The following FAM3B variants were observed in gnomAD, a reference collection of about 807,000 sequenced individuals.
The protein encoded by FAM3B is protein FAM3B.
Under a neutral mutation model 28.4 loss-of-function variants are expected in FAM3B, and 29 were observed. The observed-to-expected ratio is 1.02, with a 90% CI of 0.76 to 1.39. The LOEUF (loss-of-function observed/expected upper bound fraction) is 1.39, where lower values mean the gene tolerates loss of function less well. Among genes scored for constraint, FAM3B ranks in the 40% most tolerant of loss-of-function variants. The probability of loss-of-function intolerance (pLI) is 0.00; values close to 1 mark genes in which losing one functional copy is unlikely to be tolerated. For missense variants in FAM3B, 266 were observed against 293.9 expected (o/e 0.91, Z 0.69); for synonymous variants, 91 against 103.0 (o/e 0.88, Z 0.71).
chr21:41,311,694 G>T lies in FAM3B; in HGVS notation n.99+7384G>T, dbSNP rs544468106. ...TCAGGGCTCCTTTTGCATTCAGTCT[G>T]TTGAAATATGTTGTTTTCGTTGTAG... On this transcript the variant is annotated intron_variant and non_coding_transcript_variant, in intron 1 of 9. Coordinates refer to the FAM3B transcript ENST00000479810. Among the ~76,000 whole-genome samples, 5 of 152,220 alleles carry T rather than the reference G, an allele frequency of 3.3e-5. No homozygotes were observed. The East Asian group carries it at 9.7e-4, about 29-fold the overall frequency.
intron 3 of FAM3B, among the ~76,000 whole-genome samples, chr21:41,341,849 A>G (rs1406542256): frequency 6.6e-6 from 1 of 152,224 alleles, no homozygotes; most frequent in African/African-American, 2.4e-5. Flanking sequence ...GATTCTCACA[A>G]CTAGCCTCAA....
chr21:41,324,050 A>G (rs1202829582), intron 2 of FAM3B, among the ~76,000 whole-genome samples: 3 of 152,226 alleles, frequency 2.0e-5, no homozygotes, highest in East Asian at 3.9e-4. Context: ...AGCTCCTTTT[A>G]TAAGGGCACT....
intron 7 of FAM3B, 32 bp downstream of exon 7, chr21:41,348,756 A>G (rs376100178): frequency 4.5e-5 from 72 of 1,613,710 alleles, no homozygotes; most frequent in Middle Eastern, 1.6e-4. Flanking sequence ...CTTCCCACCA[A>G]TGGTGAGTAT....
upstream of FAM3B, among the ~76,000 whole-genome samples, chr21:41,316,286 TTCA>T (rs1568910083): frequency 6.6e-6 from 1 of 152,154 alleles, no homozygotes; most frequent in African/African-American, 2.4e-5. Context: ...CCAGAATGAA[TTCA>T]TCATCCTGGC....
At chr21:41,316,422 C>T (rs891504172), upstream of FAM3B, among the ~76,000 whole-genome samples, 3 of 152,242 alleles carry the variant, frequency 2.0e-5, no homozygotes, top group East Asian at 5.8e-4. Flanking sequence ...TGGACATGGA[C>T]GGCGAACTTG....
intron 2 of FAM3B, among the ~76,000 whole-genome samples, chr21:41,337,837 G>A (rs117471715): frequency 0.02 from 2,967 of 151,984 alleles, 30 homozygotes; most frequent in Non-Finnish European, 0.032. Flanking sequence ...ATCATGTGGT[G>A]TGTGTGCATG....
chr21:41,310,479 G>A (rs940314370), intron 1 of FAM3B, among the ~76,000 whole-genome samples: 1 of 152,108 alleles, frequency 6.6e-6, no homozygotes, highest in African/African-American at 2.4e-5. Context: ...TCACTTTTGT[G>A]CACTGATGCA....
In FAM3B at chr21:41,344,543, C is replaced by T. The variant is rs752194482; in HGVS notation, c.346+9C>T. Reference sequence around the variant, plus strand: ...CATTGCCATTGTCAACTGTAAGTTACTAAACATTTTCTTTAAACTTCTCTA... The same window carrying T: ...CATTGCCATTGTCAACTGTAAGTTATTAAACATTTTCTTTAAACTTCTCTA... On this transcript the variant is annotated intron_variant, in intron 4 of 7. Coordinates refer to ENST00000357985, the MANE Select transcript of FAM3B (RefSeq NM_058186.4). 1.3e-5 allele frequency: 21 copies of T among 1,611,774 alleles called. No homozygotes were observed. The Admixed American group carries it at 1.3e-4, about 10-fold the overall frequency.
chr21:41,331,891 C>T (rs2088908980), intron 2 of FAM3B, among the ~76,000 whole-genome samples: 1 of 152,154 alleles, frequency 6.6e-6, no homozygotes, highest in South Asian at 2.1e-4. Flanking sequence ...ATGTGGTAAT[C>T]ACATTATTGA....
chr21:41,337,807 GGTGT>G (rs370833912), intron 2 of FAM3B, among the ~76,000 whole-genome samples: 3 of 151,084 alleles, frequency 2.0e-5, no homozygotes, highest in African/African-American at 7.3e-5. Context: ...TGCTGTATAT[GGTGT>G]GTGTGTGTGT....
In FAM3B at chr21:41,335,704, C is replaced by T. The variant is rs539132313; in HGVS notation, c.164-2674C>T. Among the ~76,000 whole-genome samples the T allele has an allele frequency of 8.7e-4, 133 of 152,226 alleles. 2 individuals are homozygous for T. Among genetic ancestry groups the T allele is most frequent in the South Asian group, 4.1e-3 (20 of 4,824 alleles). ...GTATTTCTTTATAGCAATGGGATAG[C>T]GGCCTAATATACTTCTATTATTGAT... On this transcript the variant is annotated intron_variant, in intron 2 of 7. Coordinates refer to ENST00000357985, the MANE Select transcript of FAM3B (RefSeq NM_058186.4).
Position 41,357,254 on chromosome 21 carries a change from C to A in FAM3B, c.*57C>A. Reference sequence around the variant, plus strand: ...ATAAACAAATGCAGCTGGAATCGCTCAAGAATCTTATTTTTCTAAATCCAA... The same window carrying A: ...ATAAACAAATGCAGCTGGAATCGCTAAAGAATCTTATTTTTCTAAATCCAA... On this transcript the variant is annotated 3_prime_UTR_variant, in exon 8 of 8. Coordinates refer to ENST00000357985, the MANE Select transcript of FAM3B (RefSeq NM_058186.4). 1 of 1,244,700 alleles carries A rather than the reference C, an allele frequency of 8.0e-7. No homozygotes were observed. The highest frequency in any genetic ancestry group is 1.4e-5 in the South Asian group (1 of 73,772). The allele number at this position is 1,244,700 out of a possible 1,614,324, so 77.1% of individuals were successfully genotyped here.
Position 41,326,351 on chromosome 21 carries a change from C to G in FAM3B, c.163+3285C>G, listed in dbSNP as rs147028927. On this transcript the variant is annotated intron_variant, in intron 2 of 7. Coordinates refer to ENST00000357985, the MANE Select transcript of FAM3B (RefSeq NM_058186.4). The surrounding 1 kb of genome is among the most constrained non-coding windows in gnomAD (Gnocchi z 4.0). ...GATGGGGGACTCAGAAAGCTACTGA[C>G]TCTTTTTTTAAATGACACATGGGTT... Among the ~76,000 whole-genome samples, 999 of 152,322 alleles carry G rather than the reference C, an allele frequency of 6.6e-3. 7 individuals are homozygous for G. Among genetic ancestry groups the G allele is most frequent in the African/African-American group, 0.022 (934 of 41,560 alleles).
At chr21:41,355,819 A>G (rs527648694) in intron 7 of FAM3B, among the ~76,000 whole-genome samples, 1 of 152,262 alleles carries the variant, frequency 6.6e-6, no homozygotes, top group South Asian at 2.1e-4. Context: ...ACATTGGTGG[A>G]TTTTACTATG....
chr21:41,323,775 A>C (rs2088831666), intron 2 of FAM3B, among the ~76,000 whole-genome samples: 1 of 152,216 alleles, frequency 6.6e-6, no homozygotes, highest in African/African-American at 2.4e-5. Context: ...GAAGGAGGTG[A>C]CAATTGAGAA....
intron 1 of FAM3B, among the ~76,000 whole-genome samples, chr21:41,311,284 A>G (rs1304915074): frequency 1.9e-5 from 2 of 102,586 alleles, no homozygotes; most frequent in African/African-American, 3.7e-5. Context: ...ATATATATAT[A>G]TATATATATA....
At chr21:41,315,275 T>A (rs2088739909), upstream of FAM3B, among the ~76,000 whole-genome samples, 1 of 152,088 alleles carries the variant, frequency 6.6e-6, no homozygotes, top group Admixed American at 6.6e-5. Flanking sequence ...TTCCAGGGGC[T>A]GGGGGCAAGG....
upstream of FAM3B, among the ~76,000 whole-genome samples, chr21:41,312,345 A>G (rs1185445839): frequency 6.6e-6 from 1 of 152,190 alleles, no homozygotes; most frequent in Non-Finnish European, 1.5e-5. Context: ...GTGCTGGTTC[A>G]CTGAGTCACA....
intron 1 of FAM3B, among the ~76,000 whole-genome samples, chr21:41,306,217 T>C (rs912215572): frequency 6.6e-6 from 1 of 152,224 alleles, no homozygotes; most frequent in Non-Finnish European, 1.5e-5. Context: ...TTCCATCATA[T>C]TTGCTGTAAC....
Sources: allele counts gnomAD v4.1 joint callset (sites outside exome capture counted in the v4.1 genomes callset), GRCh38; gene constraint gnomAD v4.1.1; non-coding constraint Gnocchi (gnomAD v3.1); transcripts MANE v1.5; gene names NCBI Gene and HGNC (gene_info 2026-07-23, HGNC 2026-07-21).